GFPT1: variants seen among roughly 807,000 people sequenced by gnomAD.
GFPT1 encodes the protein glutamine--fructose-6-phosphate transaminase 1.
A neutral mutation model predicts 92.0 loss-of-function variants in GFPT1; 40 were observed. That is an observed-to-expected ratio of 0.43 (90% CI 0.34 to 0.57). The LOEUF is 0.57. Ranked by LOEUF, GFPT1 falls within the 20% of genes least tolerant of loss-of-function variation. GFPT1 has a pLI of 0.02. For missense variants in GFPT1, 448 were observed against 869.1 expected (o/e 0.52, Z 6.09); for synonymous variants, 269 against 280.6 (o/e 0.96, Z 0.41).
At chr2:69,377,207 CAAAAAAAAAA>C (rs59023245) in intron 1 of GFPT1, among the ~76,000 whole-genome samples, 2 of 84,418 alleles carry the variant, frequency 2.4e-5, no homozygotes, top group Admixed American at 1.5e-4. Flanking sequence ...GACTCCGTCT[CAAAAAAAAAA>C]AAAAAAAAAA....
chr2:69,374,562 C>T (rs751293093), intron 1 of GFPT1, among the ~76,000 whole-genome samples: 30 of 152,148 alleles, frequency 2.0e-4, no homozygotes, highest in Admixed American at 6.5e-5. Context: ...ATCTGCCCGC[C>T]TCGGCCTCCC....
rs571784481 is a variant in GFPT1 at position 69,360,444 on chromosome 2, T to A, written c.350-1118A>T. On this transcript the variant is annotated intron_variant, in intron 4 of 19. Transcript: ENST00000357308. ...ATTTTATATGAAATTATCAAAATAT[T>A]TTTTTTTTTTTTGGAGACACGATGT... 5.8e-3 allele frequency among the ~76,000 whole-genome samples: 871 copies of A among 149,350 alleles called. 15 individuals carry two copies. The highest frequency in any genetic ancestry group is 0.019 in the African/African-American group (771 of 40,966).
intron 11 of GFPT1, among the ~76,000 whole-genome samples, chr2:69,346,651 CAGTATGGATTGT>C (rs1470704038): frequency 6.6e-6 from 1 of 152,050 alleles, no homozygotes; most frequent in Non-Finnish European, 1.5e-5. Flanking sequence ...AATTACTTCA[CAGTATGGATTGT>C]AGTATGGATT....
intron 3 of GFPT1, among the ~76,000 whole-genome samples, chr2:69,366,628 T>C (rs549738478): frequency 6.6e-6 from 1 of 152,344 alleles, no homozygotes; most frequent in East Asian, 1.9e-4. Flanking sequence ...TCATATCTTT[T>C]CTATTCTCCA....
In GFPT1 at chr2:69,359,372, T is replaced by A. The variant is rs1475787018; in HGVS notation, c.350-46A>T. On this transcript the variant is annotated intron_variant, in intron 4 of 19. Coordinates refer to ENST00000357308, the MANE Select transcript of GFPT1 (RefSeq NM_001244710.2). ...GAAGACAAAAAAGTTAGAAGTATGA[T>A]AAATCTAAAATAGCTATTACTCTAA... 5.3e-6 allele frequency: 6 copies of A among 1,127,164 alleles called. No individual in the cohort carries two copies. The South Asian group carries it at 6.2e-5, about 12-fold the overall frequency. 69.8% of individuals were successfully genotyped at this position (1,127,164 alleles called of 1,614,324 possible). A position where few individuals can be genotyped will look rare whatever the true frequency, so the allele number is the denominator to read the frequency against.
At chr2:69,368,602 C>T (rs964045059) in intron 3 of GFPT1, among the ~76,000 whole-genome samples, 1 of 152,136 alleles carries the variant, frequency 6.6e-6, no homozygotes, top group African/African-American at 2.4e-5. Flanking sequence ...ATGGCACACG[C>T]CTGGTAATCC....
intron 19 of GFPT1, 71 bp from the exon 20 acceptor site, chr2:69,326,304 A>C (rs1470973376): frequency 1.1e-6 from 1 of 922,570 alleles, no homozygotes; most frequent in Non-Finnish European, 1.7e-6. Context: ...TGGTTACTAT[A>C]AGCAAATTAT....
intron 12 of GFPT1, 124 bp from the exon 13 acceptor site, chr2:69,342,373 C>A: frequency 1.4e-6 from 1 of 715,116 alleles, no homozygotes; most frequent in East Asian, 2.5e-5. Flanking sequence ...ATTAATATTC[C>A]TCTTGGAAAG....
intron 15 of GFPT1, among the ~76,000 whole-genome samples, chr2:69,333,721 A>C (rs1289817669): frequency 1.3e-5 from 2 of 152,214 alleles, no homozygotes; most frequent in Non-Finnish European, 2.9e-5. Context: ...CAGTAGTATC[A>C]ACTTGTCTAT....
At chr2:69,347,839 C>T (rs1330796306) in intron 11 of GFPT1, among the ~76,000 whole-genome samples, 1 of 152,050 alleles carries the variant, frequency 6.6e-6, no homozygotes, top group Non-Finnish European at 1.5e-5. Context: ...ATATTATCCT[C>T]ATGTTATATA....
intron 1 of GFPT1, among the ~76,000 whole-genome samples, chr2:69,381,848 T>C (rs1240100608): frequency 6.9e-6 from 1 of 145,700 alleles, no homozygotes; most frequent in Non-Finnish European, 1.5e-5. Context: ...GCCAAAACAC[T>C]GGCTACTTAT....
At position 69,328,266 on chromosome 2, in the gene GFPT1, C is replaced by T. The variant is rs1670579788; in HGVS notation, c.1893+5G>A. 2.5e-6 allele frequency: 4 copies of T among 1,612,468 alleles called. No individual in the cohort carries two copies. Among genetic ancestry groups the T allele is most frequent in the Non-Finnish European group, 2.5e-6 (3 of 1,178,546 alleles). On this transcript the variant is annotated splice_donor_5th_base_variant and intron_variant, in intron 18 of 19. Coordinates refer to ENST00000357308, the MANE Select transcript of GFPT1 (RefSeq NM_001244710.2). Reference sequence around the variant, plus strand: ...CCAAGGTGTTCTCACAGTCCCCCGACTTACCTGCCGAGCAACCACTTGCTG... The same window carrying T: ...CCAAGGTGTTCTCACAGTCCCCCGATTTACCTGCCGAGCAACCACTTGCTG...
intron 18 of GFPT1, among the ~76,000 whole-genome samples, 177 bp from the exon 19 acceptor site, chr2:69,327,252 G>T (rs973973838): frequency 4.6e-5 from 7 of 152,154 alleles, no homozygotes; most frequent in Non-Finnish European, 7.3e-5. Context: ...AAACAGAAGC[G>T]TTATGGGATC....
intron 19 of GFPT1, 99 bp downstream of exon 19, chr2:69,326,815 G>A: frequency 2.6e-6 from 3 of 1,148,318 alleles, no homozygotes; most frequent in Non-Finnish European, 3.9e-6. Flanking sequence ...ATATTTGATA[G>A]ATTTCTCAAA....
At chr2:69,329,587 C>T in intron 16 of GFPT1, 97 bp downstream of exon 16, 7 of 991,312 alleles carry the variant, frequency 7.1e-6, no homozygotes, top group Non-Finnish European at 8.1e-6. Flanking sequence ...ATCTTATTGA[C>T]TAAATAGCTA....
chr2:69,370,574 G>A (rs1393016764), intron 2 of GFPT1, among the ~76,000 whole-genome samples: 1 of 152,136 alleles, frequency 6.6e-6, no homozygotes, highest in East Asian at 1.9e-4. Context: ...GAAGTGATTC[G>A]GCAAAAATGT....
intron 7 of GFPT1, 150 bp from the exon 8 acceptor site, chr2:69,354,718 T>A (rs1053030498): frequency 1.1e-4 from 73 of 653,904 alleles, no homozygotes; most frequent in African/African-American, 6.7e-4. Context: ...AAGAATTTTT[T>A]AAAAAAATCA....
At chr2:69,351,878 T>C (rs1357807170) in intron 9 of GFPT1, among the ~76,000 whole-genome samples, 5 of 152,206 alleles carry the variant, frequency 3.3e-5, no homozygotes, top group Non-Finnish European at 7.3e-5. Context: ...GATGAAATTG[T>C]TCTGTATCTT....
chr2:69,358,535 G>A, intron 5 of GFPT1, 72 bp from the exon 6 acceptor site: 2 of 1,084,038 alleles, frequency 1.8e-6, no homozygotes, highest in Non-Finnish European at 2.7e-6. Flanking sequence ...CTACAGAATT[G>A]TTCCGTCAAA....
Sources: allele counts gnomAD v4.1 joint callset (sites outside exome capture counted in the v4.1 genomes callset), GRCh38; gene constraint gnomAD v4.1.1; transcripts MANE v1.5; gene names NCBI Gene and HGNC (gene_info 2026-07-23, HGNC 2026-07-21).